STAT1: variants seen among roughly 807,000 people sequenced by gnomAD.
STAT1 encodes signal transducer and activator of transcription 1.
In STAT1, 24 loss-of-function variants were observed where a neutral mutation model predicts 111.7. The ratio of observed to expected loss-of-function variants is 0.21; its 90% confidence interval spans 0.16 to 0.30. STAT1 has a LOEUF of 0.30. STAT1 is among the 10% of genes least tolerant of loss of function. The pLI, the probability that STAT1 is intolerant of heterozygous loss-of-function variation, is 1.00. For missense variants in STAT1, 351 were observed against 911.9 expected (o/e 0.38, Z 7.92); for synonymous variants, 332 against 326.5 (o/e 1.02, Z -0.18).
chr2:191,000,927 C>T lies in STAT1; in HGVS notation c.462+147G>A, dbSNP rs997431778. 2.9e-5 allele frequency: 20 copies of T among 690,782 alleles called. No homozygotes were observed. In the African/African-American group the frequency reaches 3.4e-4, roughly 12 times the overall value. 42.8% of individuals were successfully genotyped at this position (690,782 alleles called of 1,614,324 possible). A position where few individuals can be genotyped will look rare whatever the true frequency, so the allele number is the denominator to read the frequency against. The stretch of plus-strand genomic sequence containing the variant: ...GTCATTGATTTTGCCAATTTGTTTA[C>T]TTATAGCTTGAGACTTCTGCAAAAT... On this transcript the variant is annotated intron_variant, in intron 6 of 24. Transcript: ENST00000361099. The surrounding 1 kb of genome is among the most constrained non-coding windows in gnomAD (Gnocchi z 4.8).
Position 190,974,912 on chromosome 2 carries a change from G to C in STAT1, c.2156C>G (p.Thr719Ser). 1 of 1,614,202 alleles carries C rather than the reference G, an allele frequency of 6.2e-7. No homozygotes were observed. The change falls in exon 24 of 25, where the codon ACC (threonine) becomes AGC (serine). Residue 719 changes from threonine (T) to serine (S), a missense_variant. Coordinates refer to ENST00000361099, the MANE Select transcript of STAT1 (RefSeq NM_007315.4). The surrounding 1 kb of genome is among the most constrained non-coding windows in gnomAD (Gnocchi z 4.8). The stretch of plus-strand genomic sequence containing the variant: ...AGACATGGGGAGCAGGTTGTCTGTG[G>C]TCTGAAGTCTAGAAGGGTGACTAAA... The part of the protein sequence containing the change: ...VSEVHPSRLQ[T>S]TDNLLPMSPE...
In STAT1 at chr2:190,979,701, G is replaced by A; in HGVS notation, c.1727+71C>T. 1.6e-6 allele frequency: 2 copies of A among 1,221,508 alleles called. No individual in the cohort carries two copies. The highest frequency in any genetic ancestry group is 1.7e-5 in the Admixed American group (1 of 59,130). 75.7% of individuals were successfully genotyped at this position (1,221,508 alleles called of 1,614,324 possible). On this transcript the variant is annotated intron_variant, in intron 20 of 24. Coordinates refer to ENST00000361099, the MANE Select transcript of STAT1 (RefSeq NM_007315.4). This position sits in a 1 kb window ranked among gnomAD's most constrained non-coding sequence, Gnocchi z 5.8. ...ACACGCCTAGTCAAATACTGAAGCT[G>A]GACTCAGGCCTTGTCTCAACCTCGC...
intron 10 of STAT1, among the ~76,000 whole-genome samples, chr2:190,992,010 G>A (rs930209544): frequency 6.6e-6 from 1 of 152,030 alleles, no homozygotes; most frequent in Non-Finnish European, 1.5e-5. Context: ...TTAGCCATAG[G>A]GAACCAAGTA....
At chr2:191,005,230 G>C (rs1694591876) in intron 5 of STAT1, among the ~76,000 whole-genome samples, 1 of 152,070 alleles carries the variant, frequency 6.6e-6, no homozygotes, top group Non-Finnish European at 1.5e-5. Flanking sequence ...GGATGGCCTT[G>C]TTTCATCCCT....
In STAT1 at chr2:190,971,892, T is replaced by C. The variant is rs893530574; in HGVS notation, c.2239-1175A>G. On this transcript the variant is annotated intron_variant, in intron 24 of 24. Transcript: ENST00000361099. This position sits in a 1 kb window ranked among gnomAD's most constrained non-coding sequence, Gnocchi z 4.1. ...CATGGCTGGCTAATTTTTGTATTTT[T>C]AGTAGAGATGGGGTTTCACCGTGTT... 5.9e-5 allele frequency among the ~76,000 whole-genome samples: 9 copies of C among 152,066 alleles called. No individual in the cohort carries two copies. Among genetic ancestry groups the C allele is most frequent in the Non-Finnish European group, 1.3e-4 (9 of 68,008 alleles).
Position 190,978,619 on chromosome 2 carries a change from A to G in STAT1, c.1873+237T>C, listed in dbSNP as rs968993268. 1.7e-6 allele frequency: 1 copy of G among 587,454 alleles called. No individual in the cohort carries two copies. The highest frequency in any genetic ancestry group is 3.1e-6 in the Non-Finnish European group (1 of 327,394). 36.4% of individuals were successfully genotyped at this position (587,454 alleles called of 1,614,324 possible). A position where few individuals can be genotyped will look rare whatever the true frequency, so the allele number is the denominator to read the frequency against. On this transcript the variant is annotated intron_variant, in intron 21 of 24. Transcript: ENST00000361099. The surrounding 1 kb of genome is among the most constrained non-coding windows in gnomAD (Gnocchi z 6.1). ...GCAGATAACAAACCTGATGCAAAGG[A>G]AAGAATTGGCATTGTCTTTTCAAAA... is the stretch of plus-strand genomic sequence containing the variant.
At position 190,969,700 on chromosome 2, in the gene STAT1, T is replaced by C. The variant is rs1384687037; in HGVS notation, c.*1003A>G. On this transcript the variant is annotated 3_prime_UTR_variant, in exon 25 of 25. Transcript: ENST00000361099. ...GAGTTTTGAAATGATCTGATTCTCA[T>C]ATTATCTCTGGTGTATTATTCAAGT... The C allele has an allele frequency of 2.0e-5, 3 of 152,224 alleles. No individual in the cohort carries two copies. Among genetic ancestry groups the C allele is most frequent in the Non-Finnish European group, 4.4e-5 (3 of 68,020 alleles). The allele number at this position is 152,224 out of a possible 1,614,324, so 9.4% of individuals were successfully genotyped here. A position where few individuals can be genotyped will look rare whatever the true frequency, so the allele number is the denominator to read the frequency against.
At position 191,000,451 on chromosome 2, in the gene STAT1, C is replaced by G. The variant is rs1252499680; in HGVS notation, c.462+623G>C. On this transcript the variant is annotated intron_variant, in intron 6 of 24. Coordinates refer to ENST00000361099, the MANE Select transcript of STAT1 (RefSeq NM_007315.4). This position sits in a 1 kb window ranked among gnomAD's most constrained non-coding sequence, Gnocchi z 4.8. The stretch of plus-strand genomic sequence containing the variant: ...CAGAGATCCACAGAGGACCAAACCC[C>G]TAAGCTGGAAGGCCTTTTCCACAAA... Among the ~76,000 whole-genome samples, 3 of 152,130 alleles carry G rather than the reference C, an allele frequency of 2.0e-5. No individual in the cohort carries two copies. The highest frequency in any genetic ancestry group is 6.6e-5 in the Admixed American group (1 of 15,244).
rs1353259785 is a variant in STAT1, at chr2:190,989,173, T to TCAGGGGCC, written c.1097+441_1097+442insGGCCCCTG. On this transcript the variant is annotated intron_variant, in intron 12 of 24. Coordinates refer to ENST00000361099, the MANE Select transcript of STAT1 (RefSeq NM_007315.4). This position sits in a 1 kb window ranked among gnomAD's most constrained non-coding sequence, Gnocchi z 5.0. Reference sequence around the variant, plus strand: ...GGCAGCCTGGACGTTCAGCCTCGGGTTGGATCAGGGGCCTCTCCTTTGGGG... The same window carrying TCAGGGGCC: ...GGCAGCCTGGACGTTCAGCCTCGGGTCAGGGGCCTGGATCAGGGGCCTCTCCTTTGGGG... Among the ~76,000 whole-genome samples, 2 of 152,158 alleles carry TCAGGGGCC rather than the reference T, an allele frequency of 1.3e-5. No individual in the cohort carries two copies. The highest frequency in any genetic ancestry group is 4.8e-5 in the African/African-American group (2 of 41,434).
intron 4 of STAT1, among the ~76,000 whole-genome samples, chr2:191,008,182 C>G (rs774818379): frequency 1.3e-5 from 2 of 151,964 alleles, no homozygotes; most frequent in Non-Finnish European, 2.9e-5. Context: ...GAACAAATTT[C>G]TGTAAAGTTA....
At position 190,979,856 on chromosome 2, in the gene STAT1, T is replaced by C; in HGVS notation, c.1643A>G (p.Asn548Ser). The change falls in exon 20 of 25, where the codon AAT becomes AGT. Residue 548 changes from asparagine (N) to serine (S), a missense_variant. Asn to Ser is a conservative substitution (Grantham distance 46, BLOSUM62 1). This residue lies in a region of STAT1 where 181 missense variants were observed against 426.1 expected (regional missense o/e 0.42). Transcript: ENST00000361099. The surrounding 1 kb of genome is among the most constrained non-coding windows in gnomAD (Gnocchi z 5.8). Reference sequence around the variant, plus strand: ...AAGCCAGAAGGGAAAATTTTTATCATTTATATTTTCCTGAAAGTATACAAA... The same window carrying C: ...AAGCCAGAAGGGAAAATTTTTATCACTTATATTTTCCTGAAAGTATACAAA... ...PWTRFCKENI[N>S]DKNFPFWLWI... The C allele has an allele frequency of 6.2e-7, 1 of 1,608,628 alleles. No individual in the cohort carries two copies. Among genetic ancestry groups the C allele is most frequent in the African/African-American group, 1.3e-5 (1 of 74,904 alleles).
Position 190,998,303 on chromosome 2 carries a change from C to G in STAT1, c.547G>C (p.Glu183Gln). ...KCKTLQNREHETNGVAKSDQK... is the reference protein window; with the variant it reads ...KCKTLQNREHQTNGVAKSDQK... ...TCACTCTTTGCCACACCATTGGTCTCGTGTTCTATAAATTGAGAGACAGCC... is the reference window on the plus strand; with the variant it reads ...TCACTCTTTGCCACACCATTGGTCTGGTGTTCTATAAATTGAGAGACAGCC... The change falls in exon 8 of 25, where the codon GAG becomes CAG. Residue 183 changes from glutamate (E) to glutamine (Q), a missense_variant. Coordinates refer to ENST00000361099, the MANE Select transcript of STAT1 (RefSeq NM_007315.4). The surrounding 1 kb of genome is among the most constrained non-coding windows in gnomAD (Gnocchi z 4.1). The G allele has an allele frequency of 6.2e-7, 1 of 1,612,624 alleles. No homozygotes were observed. The highest frequency in any genetic ancestry group is 8.5e-7 in the Non-Finnish European group (1 of 1,179,184).
Position 190,975,117 on chromosome 2 carries a change from C to T in STAT1, c.2136-185G>A, listed in dbSNP as rs1399984342. Among the ~76,000 whole-genome samples, 1 of 152,174 alleles carries T rather than the reference C, an allele frequency of 6.6e-6. No individual in the cohort carries two copies. Among genetic ancestry groups the T allele is most frequent in the Non-Finnish European group, 1.5e-5 (1 of 68,028 alleles). Reference sequence around the variant, plus strand: ...GCTCATGGGAGGCTCATGTCCCCAGCCCAGCCCCTTGGGAAATGTTTCACA... The same window carrying T: ...GCTCATGGGAGGCTCATGTCCCCAGTCCAGCCCCTTGGGAAATGTTTCACA... On this transcript the variant is annotated intron_variant, in intron 23 of 24. Coordinates refer to ENST00000361099, the MANE Select transcript of STAT1 (RefSeq NM_007315.4). This position sits in a 1 kb window ranked among gnomAD's most constrained non-coding sequence, Gnocchi z 5.9.
Position 191,001,135 on chromosome 2 carries a change from A to T in STAT1, c.401T>A (p.Val134Glu). 1.2e-6 allele frequency: 2 copies of T among 1,613,954 alleles called. No homozygotes were observed. The highest frequency in any genetic ancestry group is 1.7e-6 in the Non-Finnish European group (2 of 1,179,934). Reference sequence around the variant, plus strand: ...AAGCTCTTTCTGTTTGTCTAACATCACTGTGCTCTGAATATTCCCCGACTG... The same window carrying T: ...AAGCTCTTTCTGTTTGTCTAACATCTCTGTGCTCTGAATATTCCCCGACTG... ...QAQSGNIQST[V>E]MLDKQKELDS... The change falls in exon 6 of 25, where the codon GTG becomes GAG. Residue 134 changes from valine to glutamate, a missense_variant. By Grantham distance (121) the Val-to-Glu change is moderately radical. Transcript: ENST00000361099.
At position 190,997,356 on chromosome 2, in the gene STAT1, A is replaced by C. The variant is rs942241086; in HGVS notation, c.785+500T>G. Among the ~76,000 whole-genome samples, 2 of 152,166 alleles carry C rather than the reference A, an allele frequency of 1.3e-5. No homozygotes were observed. Among genetic ancestry groups the C allele is most frequent in the Admixed American group, 1.3e-4 (2 of 15,272 alleles). On this transcript the variant is annotated intron_variant, in intron 9 of 24. Transcript: ENST00000361099. The surrounding 1 kb of genome is among the most constrained non-coding windows in gnomAD (Gnocchi z 7.3). ...TACCACACGAATTATTACCATGTCT[A>C]CATCCCCCCCTCCACACTGAGAACT...
rs773232836 is a variant in STAT1, at chr2:190,980,599, T to G, written c.1632+21A>C. 4 of 1,613,868 alleles carry G rather than the reference T, an allele frequency of 2.5e-6. No homozygotes were observed. In the South Asian group the frequency reaches 3.3e-5, roughly 13 times the overall value. ...AAGAGCAAAAAGGACTTAGAGAGCA[T>G]AAAACCCAGACAGTCCTCACCTTAC... is the stretch of plus-strand genomic sequence containing the variant. On this transcript the variant is annotated intron_variant, in intron 19 of 24. Coordinates refer to ENST00000361099, the MANE Select transcript of STAT1 (RefSeq NM_007315.4). This position sits in a 1 kb window ranked among gnomAD's most constrained non-coding sequence, Gnocchi z 6.1.
chr2:191,013,964 G>A lies in STAT1; in HGVS notation c.-156+54C>T, dbSNP rs541623020. On this transcript the variant is annotated intron_variant, in intron 1 of 24. Coordinates refer to ENST00000361099, the MANE Select transcript of STAT1 (RefSeq NM_007315.4). Reference sequence around the variant, plus strand: ...CCGGCGTCCAACTGCACGGCCCGAGGACTCTGTCCCTGCGCGTCCCACCCC... The same window carrying A: ...CCGGCGTCCAACTGCACGGCCCGAGAACTCTGTCCCTGCGCGTCCCACCCC... The A allele has an allele frequency of 5.6e-5, 16 of 286,164 alleles. No individual in the cohort carries two copies. The South Asian group carries it at 2.7e-3, about 47-fold the overall frequency. 17.7% of individuals were successfully genotyped at this position (286,164 alleles called of 1,614,324 possible).
chr2:191,009,471 A>C (rs1306253074), intron 3 of STAT1, among the ~76,000 whole-genome samples: 1 of 152,174 alleles, frequency 6.6e-6, no homozygotes, highest in Non-Finnish European at 1.5e-5. Flanking sequence ...GTTAAAAAAA[A>C]TCCCCTTAAT....
chr2:190,993,707 C>G lies in STAT1; in HGVS notation c.944+1354G>C. 2.5e-6 allele frequency: 1 copy of G among 393,946 alleles called. No individual in the cohort carries two copies. The highest frequency in any genetic ancestry group is 2.1e-5 in the African/African-American group (1 of 48,514). 24.4% of individuals were successfully genotyped at this position (393,946 alleles called of 1,614,324 possible). ...TAAATGTCTTCCCCGACTCTGCCCCCTGGAACGCAATCAGCAGCCGCTGCC... is the reference window on the plus strand; with the variant it reads ...TAAATGTCTTCCCCGACTCTGCCCCGTGGAACGCAATCAGCAGCCGCTGCC... On this transcript the variant is annotated intron_variant, in intron 10 of 24. Coordinates refer to ENST00000361099, the MANE Select transcript of STAT1 (RefSeq NM_007315.4). This position sits in a 1 kb window ranked among gnomAD's most constrained non-coding sequence, Gnocchi z 4.1.
Sources: gnomAD v4.1 joint callset for allele counts (sites outside exome capture counted in the v4.1 genomes callset) on GRCh38, gnomAD v4.1.1 for gene constraint, gnomAD v4.1.1 regional missense constraint, Gnocchi (gnomAD v3.1) non-coding constraint, MANE v1.5 for transcripts, NCBI Gene and HGNC (gene_info 2026-07-23, HGNC 2026-07-21) for gene names.